The following FANCD2OS variants were observed in gnomAD, a reference collection of about 807,000 sequenced individuals.
FANCD2OS encodes the protein FANCD2 opposite strand protein.
In FANCD2OS, 11 loss-of-function variants were observed where a neutral mutation model predicts 13.2. That is an observed-to-expected ratio of 0.83 (90% CI 0.52 to 1.38). FANCD2OS has a LOEUF of 1.38. Ranked by LOEUF, FANCD2OS falls within the 40% of genes most tolerant of loss-of-function variation. The pLI is 0.00. For missense variants in FANCD2OS, 217 were observed against 213.9 expected (o/e 1.01, Z -0.09); for synonymous variants, 69 against 84.5 (o/e 0.82, Z 1.01).
intron 2 of FANCD2OS, among the ~76,000 whole-genome samples, chr3:10,085,222 A>G (rs1694111014): frequency 6.6e-6 from 1 of 152,150 alleles, no homozygotes; most frequent in Admixed American, 6.6e-5. Flanking sequence ...CCTATGGCCC[A>G]GGCGTGGTGG....
At chr3:10,103,035 T>C (rs573250043), downstream of FANCD2OS, 71 of 435,122 alleles carry the variant, frequency 1.6e-4, 1 homozygote, top group African/African-American at 1.4e-3. Context: ...GGCCAAGGCA[T>C]TGCTTGAGTC....
intron 2 of FANCD2OS, chr3:10,095,410 C>T (rs1694894230): frequency 1.3e-6 from 1 of 749,058 alleles, no homozygotes; most frequent in Non-Finnish European, 2.4e-6. Context: ...TTATTCAGAG[C>T]AAATCCTTAG....
chr3:10,088,638 A>G, intron 2 of FANCD2OS: 1 of 1,106,916 alleles, frequency 9.0e-7, no homozygotes, highest in Non-Finnish European at 1.4e-6. Flanking sequence ...TTTTAGTGGG[A>G]ATTTGAAAAC....
downstream of FANCD2OS, chr3:10,101,193 T>C (rs1261579357): frequency 1.2e-6 from 2 of 1,612,410 alleles, no homozygotes; most frequent in South Asian, 1.1e-5. Flanking sequence ...CTTAGGATGG[T>C]GAAGAAGACG....
rs1257509950 is a variant in FANCD2OS at position 10,094,835 on chromosome 3, A to T, written c.*43+9363T>A. On this transcript the variant is annotated intron_variant, in intron 2 of 2. Transcript: ENST00000524279. ...AGGATAGAATCACATTATTTCCTAT[A>T]CATATTTAGCAAGTTGAACAAAATA... 1.4e-5 allele frequency: 5 copies of T among 353,154 alleles called. No individual in the cohort carries two copies. In the East Asian group the frequency reaches 3.2e-4, roughly 22 times the overall value. 21.9% of individuals were successfully genotyped at this position (353,154 alleles called of 1,614,324 possible).
intron 1 of FANCD2OS, among the ~76,000 whole-genome samples, chr3:10,107,673 C>A (rs1004730099): frequency 6.6e-6 from 1 of 151,812 alleles, no homozygotes; most frequent in East Asian, 2.0e-4. Flanking sequence ...TAGGTCGCGG[C>A]GCGGTGGCTC....
intron 2 of FANCD2OS, chr3:10,081,578 A>G: frequency 1.2e-6 from 1 of 819,990 alleles, no homozygotes; most frequent in South Asian, 1.4e-5. Flanking sequence ...TTATGTGAAT[A>G]TGGTTCATTA....
chr3:10,104,771 C>G lies in FANCD2OS; in HGVS notation c.4G>C (p.Ala2Pro), dbSNP rs1342273344. ...CATGGTGACCAGAGCTGGTATCCTG[C>G]CATTGACAGTCCTAAAGGAGGGAAA... M[A>P]GYQLWSPWTP... The change falls in exon 2 of 2, where the codon GCA (alanine) becomes CCA (proline). Residue 2 changes from alanine (A) to proline (P), a missense_variant. Coordinates refer to ENST00000450660, the MANE Select transcript of FANCD2OS (RefSeq NM_001164839.2). The G allele has an allele frequency of 6.4e-7, 1 of 1,574,482 alleles. No individual in the cohort carries two copies. The highest frequency in any genetic ancestry group is 8.6e-7 in the Non-Finnish European group (1 of 1,158,482).
intron 2 of FANCD2OS, among the ~76,000 whole-genome samples, chr3:10,093,044 C>G (rs1694747914): frequency 6.6e-6 from 1 of 152,136 alleles, no homozygotes. Context: ...TCTAATAATG[C>G]CATCTTCTCA....
chr3:10,095,110 C>A, intron 2 of FANCD2OS: 1 of 1,115,806 alleles, frequency 9.0e-7, no homozygotes, highest in Non-Finnish European at 1.3e-6. Context: ...CAGAGTTTAT[C>A]CTCTTTGGAG....
intron 2 of FANCD2OS, chr3:10,085,903 C>A: frequency 6.2e-7 from 1 of 1,611,556 alleles, no homozygotes; most frequent in Non-Finnish European, 8.5e-7. Context: ...ACACAGCCAG[C>A]CTTTGGAGGA....
chr3:10,104,099 G>T lies in FANCD2OS; in HGVS notation c.*142C>A. ...TTTTGGAGGGGAAGGGATGAAAGGG[G>T]CTCCTGAATCATCACTGCTTGAAAC... On this transcript the variant is annotated 3_prime_UTR_variant, in exon 2 of 2. Coordinates refer to ENST00000450660, the MANE Select transcript of FANCD2OS (RefSeq NM_001164839.2). 2 of 710,866 alleles carry T rather than the reference G, an allele frequency of 2.8e-6. No individual in the cohort carries two copies. Among genetic ancestry groups the T allele is most frequent in the South Asian group, 4.2e-5 (2 of 47,964 alleles). 44.0% of individuals were successfully genotyped at this position (710,866 alleles called of 1,614,324 possible).
intron 1 of FANCD2OS, among the ~76,000 whole-genome samples, chr3:10,105,770 A>AT (rs61561970): frequency 2.0e-4 from 6 of 30,360 alleles, no homozygotes; most frequent in African/African-American, 1.8e-3. Context: ...AAAAAAAAAA[A>AT]ATTATATATA....
intron 2 of FANCD2OS, among the ~76,000 whole-genome samples, chr3:10,097,477 C>A (rs1695041599): frequency 6.6e-6 from 1 of 152,182 alleles, no homozygotes; most frequent in South Asian, 2.1e-4. Flanking sequence ...AAAAAGAATT[C>A]AGTGATATTT....
chr3:10,105,004 T>C (rs1320124808), intron 1 of FANCD2OS, among the ~76,000 whole-genome samples: 3 of 152,200 alleles, frequency 2.0e-5, no homozygotes, highest in Admixed American at 6.6e-5. Context: ...TGGAGTGCAG[T>C]GGAGCGATCT....
chr3:10,087,001 C>A, intron 2 of FANCD2OS: 1 of 968,630 alleles, frequency 1.0e-6, no homozygotes, highest in Non-Finnish European at 1.7e-6. Context: ...GCTACTAAAG[C>A]ACCTGAAAAT....
At position 10,104,732 on chromosome 3, in the gene FANCD2OS, C is replaced by A. The variant is rs1575891868; in HGVS notation, c.43G>T (p.Glu15Ter). The A allele has an allele frequency of 1.8e-5, 29 of 1,607,606 alleles. No individual in the cohort carries two copies. The East Asian group carries it at 6.5e-4, about 36-fold the overall frequency. The change falls in exon 2 of 2, where the codon GAG (glutamate) becomes TAG (stop). Residue 15 changes from glutamate (E) to a stop codon, truncating the protein, a stop_gained. Transcript: ENST00000450660. LOFTEE classifies it high-confidence loss of function. Reference protein sequence around the residue: ...QLWSPWTPLDESFQWLRHTTP... With the variant: ...QLWSPWTPLD ...GTGTGCCGCAGCCATTGGAAACTCT[C>A]ATCCAGTGGGGTCCATGGTGACCAG...
rs748312392 is a variant in FANCD2OS, at chr3:10,090,283, G to A, written c.*44-8752C>T. 23 of 1,609,308 alleles carry A rather than the reference G, an allele frequency of 1.4e-5. No homozygotes were observed. Among genetic ancestry groups the A allele is most frequent in the Admixed American group, 1.7e-5 (1 of 59,932 alleles). On this transcript the variant is annotated intron_variant, in intron 2 of 2. Coordinates refer to the FANCD2OS transcript ENST00000524279. ...TGGTGTGGGCACGCATGCTTTTCCC[G>A]TCTTCTAGGCATACTTTTGTTGTTT...
chr3:10,095,433 A>T lies in FANCD2OS; in HGVS notation c.*43+8765T>A, dbSNP rs180708527. On this transcript the variant is annotated intron_variant, in intron 2 of 2. Coordinates refer to the FANCD2OS transcript ENST00000524279. Reference sequence around the variant, plus strand: ...AGCAAATCCTTAGTTGCTCCTTGAGATTGGGCAGTCCTCTAGAGGGGAATC... The same window carrying T: ...AGCAAATCCTTAGTTGCTCCTTGAGTTTGGGCAGTCCTCTAGAGGGGAATC... The T allele has an allele frequency of 2.8e-5, 19 of 683,538 alleles. No individual in the cohort carries two copies. The African/African-American group carries it at 2.8e-4, about 10-fold the overall frequency. The allele number at this position is 683,538 out of a possible 1,614,324, so 42.3% of individuals were successfully genotyped here.
Sources: allele counts gnomAD v4.1 joint callset (sites outside exome capture counted in the v4.1 genomes callset), GRCh38; gene constraint gnomAD v4.1.1; transcripts MANE v1.5; gene names NCBI Gene and HGNC (gene_info 2026-07-23, HGNC 2026-07-21).